Variants in CLDN14 observed in about 807,000 individuals in gnomAD.
CLDN14 encodes the protein claudin 14.
Under a neutral mutation model 2.1 loss-of-function variants are expected in CLDN14, and 2 were observed. The observed-to-expected ratio is 0.96, with a 90% confidence interval of 0.39 to 3.01. The LOEUF (loss-of-function observed/expected upper bound fraction) is 3.01. Among genes scored for constraint, CLDN14 ranks in the 30% most tolerant of loss-of-function variants. The pLI, the probability that CLDN14 is intolerant of heterozygous loss-of-function variation, is 0.09. For synonymous variants in CLDN14, 136 were observed against 154.4 expected (o/e 0.88, Z 0.88); for missense variants, 298 against 328.0 (o/e 0.91, Z 0.71).
Position 36,461,436 on chromosome 21 carries a change from G to A in CLDN14, c.260C>T (p.Ser87Phe). 6.2e-7 allele frequency: 1 copy of A among 1,613,372 alleles called. No homozygotes were observed. Among genetic ancestry groups the A allele is most frequent in the South Asian group, 1.1e-5 (1 of 91,082 alleles). ...LQAARALMVI[S>F]CLLSGIACAC... is the part of the protein sequence containing the mutation. ...GCAGGCTATGCCCGAGAGCAGGCAG[G>A]AGATGACCATGAGGGCGCGGGCAGC... Residue 87 changes from serine (S) to phenylalanine (F), a missense_variant, in exon 2 of 2, where the codon TCC (serine) becomes TTC (phenylalanine). Physicochemically the swap from Ser to Phe is radical, Grantham distance 155. Transcript: ENST00000399135.
chr21:36,527,545 G>C (rs1337741962), intron 1 of CLDN14, among the ~76,000 whole-genome samples: 1 of 152,188 alleles, frequency 6.6e-6, no homozygotes, highest in Non-Finnish European at 1.5e-5. Context: ...AGCCCGCCTT[G>C]AAGTGACATT....
At chr21:36,550,996 G>T (rs969567006) in intron 1 of CLDN14, among the ~76,000 whole-genome samples, 1 of 152,188 alleles carries the variant, frequency 6.6e-6, no homozygotes, top group Admixed American at 6.5e-5. Context: ...AGGCACCAGG[G>T]GAAGGCCACG....
intron 1 of CLDN14, among the ~76,000 whole-genome samples, chr21:36,541,848 C>T (rs924679986): frequency 1.3e-5 from 2 of 151,044 alleles, no homozygotes; most frequent in African/African-American, 4.9e-5. Context: ...TACCCACTGA[C>T]TTAATTACAG....
chr21:36,570,607 AATTATGGACATATATAT>A lies in CLDN14; in HGVS notation c.-220+5787_-220+5803del, dbSNP rs1276663018. Among the ~76,000 whole-genome samples the A allele has an allele frequency of 5.0e-5, 6 of 121,084 alleles. No homozygotes were observed. The East Asian group carries it at 1.5e-3, about 31-fold the overall frequency. 79.4% of individuals were successfully genotyped at this position (121,084 alleles called of 152,430 possible). On this transcript the variant is annotated intron_variant, in intron 1 of 2. Coordinates refer to the CLDN14 transcript ENST00000342108. ...AAATGAATGTATTCTTATTTTTTAG[AATTATGGACATATATAT>A]ATTATGGACATATATAATAAATTAA...
intron 1 of CLDN14, among the ~76,000 whole-genome samples, chr21:36,561,906 G>A (rs2087638418): frequency 6.6e-6 from 1 of 151,142 alleles, no homozygotes. Context: ...TATGCCAGTG[G>A]GATAGACAAA....
chr21:36,569,159 A>G lies in CLDN14; in HGVS notation c.-220+7252T>C, dbSNP rs904549083. Among the ~76,000 whole-genome samples, 3 of 152,254 alleles carry G rather than the reference A, an allele frequency of 2.0e-5. No individual in the cohort carries two copies. The East Asian group carries it at 5.8e-4, about 29-fold the overall frequency. On this transcript the variant is annotated intron_variant, in intron 1 of 2. Coordinates refer to the CLDN14 transcript ENST00000342108. ...TCGGGGTGGGGGCGTGGCTCACGCCAGTGATCCCAGCACTTTGGGAGGCTG... is the reference window on the plus strand; with the variant it reads ...TCGGGGTGGGGGCGTGGCTCACGCCGGTGATCCCAGCACTTTGGGAGGCTG...
intron 1 of CLDN14, among the ~76,000 whole-genome samples, chr21:36,531,290 T>C (rs2087377766): frequency 7.9e-6 from 1 of 127,328 alleles, no homozygotes; most frequent in African/African-American, 4.3e-5. Context: ...TTGCTATAAA[T>C]GTTTTTTTTT....
chr21:36,468,904 C>T (rs149147533), intron 1 of CLDN14, among the ~76,000 whole-genome samples: 1 of 151,850 alleles, frequency 6.6e-6, no homozygotes, highest in Non-Finnish European at 1.5e-5. Context: ...GGATTACAGG[C>T]CCCCACTACC....
At position 36,533,182 on chromosome 21, in the gene CLDN14, G is replaced by C. The variant is rs1365180822; in HGVS notation, c.-219-22682C>G. Among the ~76,000 whole-genome samples, 5 of 152,318 alleles carry C rather than the reference G, an allele frequency of 3.3e-5. No homozygotes were observed. The East Asian group carries it at 9.7e-4, about 29-fold the overall frequency. ...TTAGCTCGGGTGGGGCTGCACATCT[G>C]GCTGTGCCTTCCCTCCGCAAGTGTG... On this transcript the variant is annotated intron_variant, in intron 1 of 2. Transcript: ENST00000342108.
At chr21:36,564,951 C>T (rs1428950348) in intron 1 of CLDN14, among the ~76,000 whole-genome samples, 1 of 152,192 alleles carries the variant, frequency 6.6e-6, no homozygotes, top group African/African-American at 2.4e-5. Flanking sequence ...GTTGATTCCC[C>T]CAGGGCCTCC....
chr21:36,488,865 A>T (rs2086928103), intron 2 of CLDN14, among the ~76,000 whole-genome samples: 1 of 151,952 alleles, frequency 6.6e-6, no homozygotes, highest in South Asian at 2.1e-4. Flanking sequence ...ACAGTGGCTC[A>T]CGCCTCTAAT....
chr21:36,490,473 C>A (rs1342925899), intron 2 of CLDN14, among the ~76,000 whole-genome samples: 2 of 147,264 alleles, frequency 1.4e-5, no homozygotes, highest in Non-Finnish European at 3.0e-5. Context: ...ACTGCAACCT[C>A]CACCTCCTGG....
intron 2 of CLDN14, among the ~76,000 whole-genome samples, chr21:36,492,030 G>A (rs2086970321): frequency 6.6e-6 from 1 of 152,188 alleles, no homozygotes; most frequent in African/African-American, 2.4e-5. Flanking sequence ...GTGGCTGACT[G>A]CGGTGGCTCA....
At chr21:36,574,651 T>C (rs974935526) in intron 1 of CLDN14, among the ~76,000 whole-genome samples, 1 of 152,190 alleles carries the variant, frequency 6.6e-6, no homozygotes, top group Non-Finnish European at 1.5e-5. Flanking sequence ...TAGATACAAT[T>C]CTGAAAGATT....
intron 1 of CLDN14, among the ~76,000 whole-genome samples, chr21:36,564,442 C>T (rs79331558): frequency 0.011 from 1,750 of 152,238 alleles, 16 homozygotes; most frequent in Non-Finnish European, 0.018. Context: ...ACAGAACCAC[C>T]AGTAAAACCC....
upstream of CLDN14, chr21:36,480,852 A>T (rs2146449548): frequency 6.6e-6 from 1 of 152,302 alleles, no homozygotes; most frequent in South Asian, 2.1e-4. Flanking sequence ...GTGTTTAAAA[A>T]AAAAGATGCA....
chr21:36,490,733 C>G (rs188347702), intron 2 of CLDN14, among the ~76,000 whole-genome samples: 92 of 152,194 alleles, frequency 6.0e-4, no homozygotes, highest in African/African-American at 2.1e-3. Context: ...TGGGGTCTCT[C>G]TATGCTGCGG....
chr21:36,575,697 C>T (rs1379649972), intron 1 of CLDN14, among the ~76,000 whole-genome samples: 1 of 152,192 alleles, frequency 6.6e-6, no homozygotes, highest in African/African-American at 2.4e-5. Context: ...AAATGTAGTT[C>T]TGATTTCATA....
intron 1 of CLDN14, among the ~76,000 whole-genome samples, chr21:36,535,223 C>G (rs2087414784): frequency 6.6e-6 from 1 of 152,050 alleles, no homozygotes; most frequent in Admixed American, 6.6e-5. Context: ...AACGCTGTCT[C>G]TACTAAAAAT....
Sources: gnomAD v4.1 joint callset for allele counts (sites outside exome capture counted in the v4.1 genomes callset) on GRCh38, gnomAD v4.1.1 for gene constraint, MANE v1.5 for transcripts, NCBI Gene and HGNC (gene_info 2026-07-23, HGNC 2026-07-21) for gene names.